HIVEP3: variants seen among roughly 807,000 people sequenced by gnomAD.
HIVEP3 encodes the protein transcription factor HIVEP3.
Under a neutral mutation model 152.8 loss-of-function variants are expected in HIVEP3, and 49 were observed. The observed-to-expected ratio is 0.32, with a 90% CI of 0.26 to 0.41. The LOEUF is 0.41. Ranked by LOEUF, HIVEP3 falls within the 10% of genes least tolerant of loss-of-function variation. HIVEP3 has a pLI of 1.00. For synonymous variants in HIVEP3, 1,269 were observed against 1,289.0 expected (o/e 0.98, Z 0.33); for missense variants, 2,790 against 3,103.3 (o/e 0.90, Z 2.40).
In HIVEP3 at chr1:41,662,305, C is replaced by T. The variant is rs1353563637; in HGVS notation, c.-720-33358G>A. On this transcript the variant is annotated intron_variant, in intron 2 of 8. Transcript: ENST00000372583. The surrounding 1 kb of genome is among the most constrained non-coding windows in gnomAD (Gnocchi z 7.2). ...AGGCGCTCGCTGGCGGCCCACGCGG[C>T]GCGGGGTGGGCGCGGGGCGGGCTGG... 1 of 145,604 alleles carries T rather than the reference C, an allele frequency of 6.9e-6. No homozygotes were observed. Among genetic ancestry groups the T allele is most frequent in the East Asian group, 2.0e-4 (1 of 5,014 alleles). 9.0% of individuals were successfully genotyped at this position (145,604 alleles called of 1,614,324 possible).
chr1:41,994,265 C>CAA lies in HIVEP3; in HGVS notation n.119+41540_119+41541dup, dbSNP rs542518404. Among the ~76,000 whole-genome samples, 347 of 71,072 alleles carry CAA rather than the reference C, an allele frequency of 4.9e-3. 1 individual carries two copies. The highest frequency in any genetic ancestry group is 0.015 in the African/African-American group (333 of 21,962). The allele number at this position is 71,072 out of a possible 152,430, so 46.6% of individuals were successfully genotyped here. A position where few individuals can be genotyped will look rare whatever the true frequency, so the allele number is the denominator to read the frequency against. The stretch of plus-strand genomic sequence containing the variant: ...TTTTTAAGGACAGTGATAGACTTAG[C>CAA]AAAAAAAAAAAAAAATACCCGAGCA... On this transcript the variant is annotated intron_variant and non_coding_transcript_variant, in intron 1 of 3. Transcript: ENST00000489103.
At position 41,851,463 on chromosome 1, in the gene HIVEP3, T is replaced by C. The variant is rs535602262; in HGVS notation, c.-801+66950A>G. Among the ~76,000 whole-genome samples, 129 of 152,112 alleles carry C rather than the reference T, an allele frequency of 8.5e-4. No homozygotes were observed. In the South Asian group the frequency reaches 9.8e-3, roughly 12 times the overall value. On this transcript the variant is annotated intron_variant, in intron 1 of 8. Transcript: ENST00000372583. ...GTCTACAGGCACGTGCCACCACACCTGGCTAATTTTTGTATTTTTAGTAGA... is the reference window on the plus strand; with the variant it reads ...GTCTACAGGCACGTGCCACCACACCCGGCTAATTTTTGTATTTTTAGTAGA...
At chr1:41,743,741 C>G (rs1647029941) in intron 1 of HIVEP3, among the ~76,000 whole-genome samples, 1 of 152,204 alleles carries the variant, frequency 6.6e-6, no homozygotes, top group Non-Finnish European at 1.5e-5. Context: ...TCTTCCCTCT[C>G]TGGTCCTGGG....
intron 1 of HIVEP3, among the ~76,000 whole-genome samples, chr1:41,829,615 A>G (rs2124354378): frequency 6.6e-6 from 1 of 151,924 alleles, no homozygotes; most frequent in Non-Finnish European, 1.5e-5. Flanking sequence ...AATAATAAAT[A>G]TAACAAAACA....
rs1409675657 is a variant in HIVEP3 at position 41,582,661 on chromosome 1, T to C, written c.2137A>G (p.Arg713Gly). ...LGTTLELTPL[R>G]KRRKEKSLGD... ...AGGCTCTTCTCTTTCCTCCTCTTCC[T>C]CAGTGGAGTGAGTTCCAGGGTGGTT... The change falls in exon 4 of 9, where the codon AGG becomes GGG. Residue 713 changes from arginine to glycine, a missense_variant. Transcript: ENST00000372583. This position sits in a 1 kb window ranked among gnomAD's most constrained non-coding sequence, Gnocchi z 4.7. 9 of 1,614,022 alleles carry C rather than the reference T, an allele frequency of 5.6e-6. No homozygotes were observed. Among genetic ancestry groups the C allele is most frequent in the Non-Finnish European group, 7.6e-6 (9 of 1,180,016 alleles).
chr1:41,600,682 T>C (rs1351320892), intron 3 of HIVEP3, among the ~76,000 whole-genome samples: 5 of 152,204 alleles, frequency 3.3e-5, no homozygotes, highest in African/African-American at 4.8e-5. Flanking sequence ...AGTTGGTCAA[T>C]GTTATGTCTA....
intron 1 of HIVEP3, among the ~76,000 whole-genome samples, chr1:41,962,329 T>A (rs527470520): frequency 2.6e-5 from 4 of 152,314 alleles, no homozygotes; most frequent in African/African-American, 9.6e-5. Context: ...AGGATTTGAC[T>A]TTTCCTGGAA....
intron 3 of HIVEP3, among the ~76,000 whole-genome samples, chr1:41,625,277 T>A (rs934477727): frequency 2.1e-5 from 3 of 142,364 alleles, no homozygotes; most frequent in East Asian, 2.2e-4. Flanking sequence ...AAGCAAGCAA[T>A]ACAATGATGA....
Position 41,562,494 on chromosome 1 carries a change from T to C in HIVEP3, c.5207+13050A>G, listed in dbSNP as rs189347310. ...TCCTTTTCTTTTCCCTTTCCTTCCCTTCCTTCCTTCCTCTCTTTCTCCTTC... is the reference window on the plus strand; with the variant it reads ...TCCTTTTCTTTTCCCTTTCCTTCCCCTCCTTCCTTCCTCTCTTTCTCCTTC... On this transcript the variant is annotated intron_variant, in intron 5 of 8. Coordinates refer to ENST00000372583, the MANE Select transcript of HIVEP3 (RefSeq NM_024503.5). 2.0e-5 allele frequency among the ~76,000 whole-genome samples: 3 copies of C among 152,214 alleles called. No individual in the cohort carries two copies. The East Asian group carries it at 5.8e-4, about 29-fold the overall frequency.
At chr1:41,631,256 T>C (rs1477933291) in intron 2 of HIVEP3, among the ~76,000 whole-genome samples, 1 of 152,158 alleles carries the variant, frequency 6.6e-6, no homozygotes, top group Non-Finnish European at 1.5e-5. Flanking sequence ...AATCTAGCCC[T>C]TCCACTTCTG....
At chr1:41,578,195 T>C (rs1444902817) in intron 4 of HIVEP3, among the ~76,000 whole-genome samples, 1 of 152,218 alleles carries the variant, frequency 6.6e-6, no homozygotes, top group Non-Finnish European at 1.5e-5. Flanking sequence ...AATGGTGATA[T>C]TGCACCCTAA....
intron 1 of HIVEP3, among the ~76,000 whole-genome samples, chr1:41,751,798 G>C (rs1488293681): frequency 6.6e-6 from 1 of 152,152 alleles, no homozygotes; most frequent in Non-Finnish European, 1.5e-5. Flanking sequence ...ATCTGCACAA[G>C]TGACCAAAGT....
chr1:41,544,720 GTA>G (rs1643636050), intron 5 of HIVEP3, among the ~76,000 whole-genome samples: 1 of 57,582 alleles, frequency 1.7e-5, no homozygotes. Flanking sequence ...ACTACCACCT[GTA>G]CCACCACCGC....
chr1:41,634,038 C>A (rs553120724), intron 2 of HIVEP3, among the ~76,000 whole-genome samples: 1 of 151,802 alleles, frequency 6.6e-6, no homozygotes, highest in South Asian at 2.1e-4. Context: ...GGGTTAAAAC[C>A]CTTAGATCCG....
rs751118245 is a variant in HIVEP3, at chr1:41,580,187, T to A, written c.4611A>T (p.Pro1537=). ...GSEALKEYPQ[P]SGKPHRRGLT... Reference sequence around the variant, plus strand: ...ACCCTCTTCGGTGAGGTTTGCCAGATGGCTGGGGATATTCCTTCAAAGCTT... The same window carrying A: ...ACCCTCTTCGGTGAGGTTTGCCAGAAGGCTGGGGATATTCCTTCAAAGCTT... The change falls in exon 4 of 9, where the codon CCA becomes CCT. Residue 1537 remains proline, a synonymous_variant. Coordinates refer to ENST00000372583, the MANE Select transcript of HIVEP3 (RefSeq NM_024503.5). 29 of 1,612,266 alleles carry A rather than the reference T, an allele frequency of 1.8e-5. 1 individual carries two copies. The South Asian group carries it at 2.4e-4, about 13-fold the overall frequency.
At chr1:41,663,090 G>C (rs1645744035) in intron 2 of HIVEP3, among the ~76,000 whole-genome samples, 1 of 152,248 alleles carries the variant, frequency 6.6e-6, no homozygotes, top group Admixed American at 6.5e-5. Flanking sequence ...TCTGGTCCTT[G>C]CTCTGGCCAG....
At chr1:41,839,923 T>C (rs1183560155) in intron 1 of HIVEP3, among the ~76,000 whole-genome samples, 1 of 152,222 alleles carries the variant, frequency 6.6e-6, no homozygotes, top group Non-Finnish European at 1.5e-5. Context: ...TCTGCCATGG[T>C]TGCCACTAGT....
chr1:41,607,341 C>T (rs778360609), intron 3 of HIVEP3, among the ~76,000 whole-genome samples: 15 of 152,154 alleles, frequency 9.9e-5, no homozygotes, highest in Non-Finnish European at 1.6e-4. Flanking sequence ...CCAATCTGGT[C>T]TTCATGCATA....
intron 2 of HIVEP3, among the ~76,000 whole-genome samples, chr1:41,660,435 T>C (rs1023703609): frequency 2.6e-5 from 4 of 152,254 alleles, no homozygotes; most frequent in Admixed American, 6.5e-5. Flanking sequence ...CTTCTGGATG[T>C]CATTCAGTGA....
Sources: gnomAD v4.1 joint callset for allele counts (sites outside exome capture counted in the v4.1 genomes callset) on GRCh38, gnomAD v4.1.1 for gene constraint, Gnocchi (gnomAD v3.1) non-coding constraint, MANE v1.5 for transcripts, NCBI Gene and HGNC (gene_info 2026-07-23, HGNC 2026-07-21) for gene names.